The following MPP7 variants were observed in gnomAD, a reference collection of about 807,000 sequenced individuals.
MPP7 encodes MAGUK p55 scaffold protein 7.
Under a neutral mutation model 76.5 loss-of-function variants are expected in MPP7, and 60 were observed. The observed-to-expected ratio is 0.78, with a 90% CI of 0.64 to 0.97. The LOEUF is 0.97. Ranked by LOEUF, MPP7 falls within the 50% of genes least tolerant of loss-of-function variation. The pLI, the probability that MPP7 is intolerant of heterozygous loss-of-function variation, is 0.00. For missense variants in MPP7, 641 were observed against 694.0 expected, an observed-to-expected ratio of 0.92 and a Z score of 0.86; for synonymous variants, 237 against 244.5, an observed-to-expected ratio of 0.97 and a Z score of 0.29.
upstream of MPP7, among the ~76,000 whole-genome samples, chr10:28,304,811 T>A (rs1841240845): frequency 6.6e-6 from 1 of 152,194 alleles, no homozygotes; most frequent in Non-Finnish European, 1.5e-5. Context: ...ATAATGTATG[T>A]CTAAGATTAT....
intron 3 of MPP7, among the ~76,000 whole-genome samples, chr10:28,162,480 C>T (rs915603237): frequency 6.6e-6 from 1 of 152,118 alleles, no homozygotes; most frequent in African/African-American, 2.4e-5. Context: ...TTCTTCTATA[C>T]TTACCGGGAA....
intron 3 of MPP7, among the ~76,000 whole-genome samples, chr10:28,199,338 A>C (rs1837694659): frequency 6.6e-6 from 1 of 152,076 alleles, no homozygotes; most frequent in African/African-American, 2.4e-5. Context: ...GATACTTCTA[A>C]AGTCTCATGC....
chr10:28,089,029 C>A (rs1210264569), intron 12 of MPP7, among the ~76,000 whole-genome samples: 1 of 152,106 alleles, frequency 6.6e-6, no homozygotes, highest in Admixed American at 6.5e-5. Flanking sequence ...GACTGTGCTA[C>A]CACGCCTGGC....
chr10:28,261,827 G>C (rs530186309), intron 1 of MPP7, among the ~76,000 whole-genome samples: 1 of 152,134 alleles, frequency 6.6e-6, no homozygotes, highest in African/African-American at 2.4e-5. Context: ...CAGGAGGATT[G>C]CTTGAGCCCA....
intron 3 of MPP7, among the ~76,000 whole-genome samples, chr10:28,179,094 A>G (rs1836972220): frequency 6.6e-6 from 1 of 152,178 alleles, no homozygotes; most frequent in Admixed American, 6.5e-5. Flanking sequence ...CATTGGATCC[A>G]ACCATTACAA....
chr10:28,087,951 A>C (rs920221824), intron 12 of MPP7, among the ~76,000 whole-genome samples: 2 of 152,238 alleles, frequency 1.3e-5, no homozygotes, highest in Non-Finnish European at 2.9e-5. Context: ...GAGGAGGCTC[A>C]GTATAAATGA....
intron 13 of MPP7, among the ~76,000 whole-genome samples, chr10:28,062,531 AAC>A (rs56923979): frequency 0.17 from 22,530 of 131,694 alleles, 1,784 homozygotes; most frequent in Middle Eastern, 0.3. Context: ...CATAATAGTA[AAC>A]ACACACACAC....
In MPP7 at chr10:28,174,335, G is replaced by A. The variant is rs548998764; in HGVS notation, c.157-24276C>T. Among the ~76,000 whole-genome samples the A allele has an allele frequency of 3.2e-4, 49 of 152,260 alleles. 1 individual carries two copies. In the South Asian group the frequency reaches 9.8e-3, roughly 30 times the overall value. ...TGTGGGTCATGCGGACAGATCCCTCGTGAATGGTTGGTGCCATTCTCTAGA... is the reference window on the plus strand; with the variant it reads ...TGTGGGTCATGCGGACAGATCCCTCATGAATGGTTGGTGCCATTCTCTAGA... On this transcript the variant is annotated intron_variant, in intron 3 of 16. Coordinates refer to ENST00000683449, the MANE Select transcript of MPP7 (RefSeq NM_001318170.2).
intron 13 of MPP7, among the ~76,000 whole-genome samples, chr10:28,061,545 G>A (rs1231415921): frequency 1.3e-5 from 2 of 151,958 alleles, no homozygotes; most frequent in Non-Finnish European, 2.9e-5. Context: ...GAACTCCAGG[G>A]ACCTATGAGA....
intron 2 of MPP7, among the ~76,000 whole-genome samples, chr10:28,237,339 A>G (rs1188196847): frequency 6.6e-6 from 1 of 152,188 alleles, no homozygotes; most frequent in African/African-American, 2.4e-5. Flanking sequence ...AAACCTAAAA[A>G]GAAGAAAAAA....
At chr10:28,200,088 C>T (rs930284280) in intron 3 of MPP7, among the ~76,000 whole-genome samples, 11 of 152,158 alleles carry the variant, frequency 7.2e-5, no homozygotes, top group South Asian at 4.1e-4. Context: ...CCAAGATTTA[C>T]GTACAAAAGC....
At chr10:28,152,244 T>C (rs187594758) in intron 3 of MPP7, among the ~76,000 whole-genome samples, 5 of 152,316 alleles carry the variant, frequency 3.3e-5, no homozygotes, top group African/African-American at 1.2e-4. Flanking sequence ...TGCCCACTCC[T>C]GGATTTTGTG....
intron 3 of MPP7, among the ~76,000 whole-genome samples, chr10:28,151,910 G>A (rs1204566608): frequency 6.6e-6 from 1 of 152,266 alleles, no homozygotes; most frequent in African/African-American, 2.4e-5. Context: ...GGCATAGAAA[G>A]GAAGGCTGGA....
At chr10:28,138,051 T>TAA (rs1835402004) in intron 5 of MPP7, among the ~76,000 whole-genome samples, 2 of 152,228 alleles carry the variant, frequency 1.3e-5, no homozygotes, top group South Asian at 4.1e-4. Context: ...AGGCAGTGAG[T>TAA]AATTTCTCTT....
intron 1 of MPP7, among the ~76,000 whole-genome samples, 183 bp from the exon 2 acceptor site, chr10:28,238,918 C>T (rs983436201): frequency 1.3e-5 from 2 of 152,082 alleles, no homozygotes; most frequent in African/African-American, 4.8e-5. Flanking sequence ...CAAGCAACTT[C>T]GAATTGAAAA....
At chr10:28,215,269 C>A (rs1181266031) in intron 2 of MPP7, among the ~76,000 whole-genome samples, 1 of 152,070 alleles carries the variant, frequency 6.6e-6, no homozygotes, top group Non-Finnish European at 1.5e-5. Flanking sequence ...TGCAATTCCC[C>A]TGTCTTGATA....
chr10:28,256,925 G>A (rs750420626), intron 1 of MPP7, among the ~76,000 whole-genome samples: 61 of 152,262 alleles, frequency 4.0e-4, no homozygotes, highest in African/African-American at 5.8e-4. Flanking sequence ...AATGTATGCC[G>A]AGTGAGTAAA....
chr10:28,175,068 T>C (rs1463634144), intron 3 of MPP7, among the ~76,000 whole-genome samples: 2 of 152,088 alleles, frequency 1.3e-5, no homozygotes, highest in Non-Finnish European at 2.9e-5. Context: ...GGTGGGCGGA[T>C]CACTTGAGGT....
intron 1 of MPP7, among the ~76,000 whole-genome samples, chr10:28,253,983 G>A (rs1195844573): frequency 9.0e-5 from 10 of 110,512 alleles, no homozygotes; most frequent in Non-Finnish European, 3.4e-5. Context: ...GATACAGAGA[G>A]AGAGTCTGTC....
Sources: allele counts gnomAD v4.1 joint callset (sites outside exome capture counted in the v4.1 genomes callset), GRCh38; gene constraint gnomAD v4.1.1; transcripts MANE v1.5; gene names NCBI Gene and HGNC (gene_info 2026-07-23, HGNC 2026-07-21).